BMS1: variants seen among roughly 807,000 people sequenced by gnomAD.
The protein encoded by BMS1 is BMS1 ribosome biogenesis factor, also known as ribosome biogenesis protein BMS1 homolog.
BMS1 carries 53 observed loss-of-function variants against 138.7 expected under a neutral mutation model. The observed-to-expected ratio is 0.38, with a 90% CI of 0.31 to 0.48. The LOEUF is 0.48. Among genes scored for constraint, BMS1 ranks in the 20% least tolerant of loss-of-function variants. BMS1 has a pLI of 0.97. For missense variants in BMS1, 1,360 were observed against 1,565.5 expected (o/e 0.87, Z 2.22); for synonymous variants, 504 against 539.9 (o/e 0.93, Z 0.92).
intron 15 of BMS1, among the ~76,000 whole-genome samples, chr10:42,817,783 C>T (rs553769173): frequency 3.5e-4 from 53 of 152,140 alleles, no homozygotes; most frequent in Non-Finnish European, 6.3e-4. Context: ...CATGGTCTTA[C>T]AATGTAGTGA....
Position 42,820,685 on chromosome 10 carries a change from T to A in BMS1, c.2947T>A (p.Trp983Arg). 1 of 1,611,410 alleles carries A rather than the reference T, an allele frequency of 6.2e-7. No homozygotes were observed. Among genetic ancestry groups the A allele is most frequent in the Non-Finnish European group, 8.5e-7 (1 of 1,179,380 alleles). ...PQHMHCGAAF[W>R]GPITPQGTGF... is the part of the protein sequence containing the mutation. Reference sequence around the variant, plus strand: ...GCACATGCATTGCGGAGCAGCCTTTTGGGGTAAAATATGATTACAATAACT... The same window carrying A: ...GCACATGCATTGCGGAGCAGCCTTTAGGGGTAAAATATGATTACAATAACT... Residue 983 changes from tryptophan to arginine, a missense_variant, in exon 17 of 23, where the codon TGG becomes AGG. By Grantham distance (101) the Trp-to-Arg change is moderately radical (BLOSUM62 -3). Coordinates refer to ENST00000374518, the MANE Select transcript of BMS1 (RefSeq NM_014753.4).
intron 11 of BMS1, 53 bp from the exon 12 acceptor site, chr10:42,798,415 C>G: frequency 6.2e-7 from 1 of 1,608,170 alleles, no homozygotes; most frequent in East Asian, 2.2e-5. Flanking sequence ...AATGATGAGT[C>G]CTCTAGGGCT....
intron 2 of BMS1, 123 bp downstream of exon 2, chr10:42,784,693 G>C (rs1322932222): frequency 1.7e-6 from 2 of 1,160,294 alleles, no homozygotes; most frequent in Non-Finnish European, 2.3e-6. Flanking sequence ...GAGATTCATG[G>C]TGTGTGGCTT....
intron 21 of BMS1, 146 bp from the exon 22 acceptor site, chr10:42,830,115 A>G: frequency 1.2e-6 from 1 of 863,262 alleles, no homozygotes; most frequent in South Asian, 1.7e-5. Flanking sequence ...TTGGCAGATG[A>G]TTGAGTCCTG....
intron 3 of BMS1, among the ~76,000 whole-genome samples, chr10:42,786,171 A>G (rs1180483860): frequency 2.0e-5 from 3 of 152,236 alleles, no homozygotes; most frequent in Non-Finnish European, 1.5e-5. Flanking sequence ...CACATCATTT[A>G]ACAGATAGCA....
chr10:42,794,359 A>G (rs1841606839), intron 9 of BMS1, among the ~76,000 whole-genome samples: 1 of 152,078 alleles, frequency 6.6e-6, no homozygotes, highest in Non-Finnish European at 1.5e-5. Context: ...CTTGTCTCTG[A>G]AAGTTTTATT....
chr10:42,793,176 C>T (rs781327864), intron 8 of BMS1, 32 bp downstream of exon 8: 1 of 1,545,022 alleles, frequency 6.5e-7, no homozygotes, highest in South Asian at 1.3e-5. Flanking sequence ...TTTCTCTGAA[C>T]TTTCAGTATT....
rs1471531194 is a variant in BMS1 at position 42,830,917 on chromosome 10, A to G, written c.3670A>G (p.Lys1224Glu). ...LSTVHSQKMKKAKEQRHLHNK... is the reference protein window; with the variant it reads ...LSTVHSQKMKEAKEQRHLHNK... ...TACGGTGCATAGTCAGAAGATGAAG[A>G]AGGCCAAGGAGCAGCGGCACCTGCA... is the stretch of plus-strand genomic sequence containing the variant. Residue 1224 changes from lysine (K) to glutamate (E), a missense_variant, in exon 23 of 23, where the codon AAG becomes GAG. By Grantham distance (56) the Lys-to-Glu change is moderately conservative. Coordinates refer to ENST00000374518, the MANE Select transcript of BMS1 (RefSeq NM_014753.4). The G allele has an allele frequency of 1.7e-5, 28 of 1,612,354 alleles. No individual in the cohort carries two copies. In the East Asian group the frequency reaches 6.2e-4, roughly 36 times the overall value.
In BMS1 at chr10:42,831,699, A is replaced by G. The variant is rs1588767511; in HGVS notation, c.*603A>G. The stretch of plus-strand genomic sequence containing the variant: ...TATTTCATATGTTCTGCACATTAGT[A>G]TAGTGACAAGGTAACAGTAAGTACT... On this transcript the variant is annotated 3_prime_UTR_variant, in exon 23 of 23. Coordinates refer to ENST00000374518, the MANE Select transcript of BMS1 (RefSeq NM_014753.4). The G allele has an allele frequency of 6.5e-6, 1 of 153,154 alleles. No homozygotes were observed. The highest frequency in any genetic ancestry group is 6.5e-5 in the Admixed American group (1 of 15,438). The allele number at this position is 153,154 out of a possible 1,614,324, so 9.5% of individuals were successfully genotyped here. A position where few individuals can be genotyped will look rare whatever the true frequency, so the allele number is the denominator to read the frequency against.
chr10:42,788,892 G>T (rs1043980809), intron 4 of BMS1, among the ~76,000 whole-genome samples: 3 of 152,136 alleles, frequency 2.0e-5, no homozygotes, highest in African/African-American at 7.2e-5. Flanking sequence ...TTTACACACT[G>T]TTCTATGCTT....
chr10:42,783,459 C>T (rs1349753008), intron 1 of BMS1, among the ~76,000 whole-genome samples: 1 of 152,294 alleles, frequency 6.6e-6, no homozygotes, highest in Admixed American at 6.5e-5. Flanking sequence ...ATAGCTGTAT[C>T]CACTTACTGG....
intron 13 of BMS1, among the ~76,000 whole-genome samples, chr10:42,808,797 C>A (rs4949035): frequency 0.47 from 71,449 of 151,930 alleles, 17,463 homozygotes; most frequent in East Asian, 0.63. Flanking sequence ...TTTTGTAAAA[C>A]ATTAGTTGAG....
At position 42,820,608 on chromosome 10, in the gene BMS1, A is replaced by G. The variant is rs397839816; in HGVS notation, c.2870A>G (p.Tyr957Cys). 6.2e-7 allele frequency: 1 copy of G among 1,611,956 alleles called. No homozygotes were observed. The highest frequency in any genetic ancestry group is 8.5e-7 in the Non-Finnish European group (1 of 1,179,792). Residue 957 changes from tyrosine (Y) to cysteine (C), a missense_variant, in exon 17 of 23, where the codon TAT becomes TGT. This residue lies in a region of BMS1 where 425 missense variants were observed against 568.3 expected (regional missense o/e 0.75). Transcript: ENST00000374518. ...GWRRFQTIPLYYIEDHNGRQR... is the reference protein window; with the variant it reads ...GWRRFQTIPLCYIEDHNGRQR... ...AGGAGGTTTCAGACCATCCCACTGT[A>G]TTATATCGAAGACCACAATGGAAGA...
At chr10:42,819,115 A>AT (rs1439076099) in intron 15 of BMS1, among the ~76,000 whole-genome samples, 1 of 152,246 alleles carries the variant, frequency 6.6e-6, no homozygotes, top group Non-Finnish European at 1.5e-5. Flanking sequence ...AAGCAGAGAA[A>AT]TGAAGCCGTT....
At chr10:42,802,412 A>G (rs971181759) in intron 13 of BMS1, among the ~76,000 whole-genome samples, 194 bp downstream of exon 13, 1 of 152,220 alleles carries the variant, frequency 6.6e-6, no homozygotes, top group Non-Finnish European at 1.5e-5. Flanking sequence ...TGGCTGATTT[A>G]CTGCGTATGG....
At chr10:42,820,862 C>T in intron 17 of BMS1, 72 bp from the exon 18 acceptor site, 1 of 1,339,484 alleles carries the variant, frequency 7.5e-7, no homozygotes, top group Admixed American at 1.7e-5. Context: ...TCTAAATGTC[C>T]ATATCCAGTA....
At chr10:42,798,696 C>A in intron 12 of BMS1, 71 bp downstream of exon 12, 1 of 1,572,206 alleles carries the variant, frequency 6.4e-7, no homozygotes, top group Non-Finnish European at 8.7e-7. Flanking sequence ...TATCTGATGT[C>A]AATATTGCTT....
chr10:42,818,041 C>T (rs535452040), intron 15 of BMS1, among the ~76,000 whole-genome samples: 8 of 152,260 alleles, frequency 5.3e-5, no homozygotes, highest in Non-Finnish European at 8.8e-5. Flanking sequence ...TTGCTGGAGG[C>T]GGTGATCTCA....
chr10:42,813,854 T>G (rs1367854178), intron 13 of BMS1, among the ~76,000 whole-genome samples: 1 of 152,228 alleles, frequency 6.6e-6, no homozygotes, highest in African/African-American at 2.4e-5. Flanking sequence ...TCTTTATTTC[T>G]CTCTTCATTT....
Sources: allele counts gnomAD v4.1 joint callset (sites outside exome capture counted in the v4.1 genomes callset), GRCh38; gene constraint gnomAD v4.1.1; regional missense constraint gnomAD v4.1.1; transcripts MANE v1.5; gene names NCBI Gene and HGNC (gene_info 2026-07-23, HGNC 2026-07-21).